The following TTC28 variants were observed in gnomAD, a reference collection of about 807,000 sequenced individuals.
The protein encoded by TTC28 is tetratricopeptide repeat domain 28.
Under a neutral mutation model 198.0 loss-of-function variants are expected in TTC28, and 61 were observed. The ratio of observed to expected loss-of-function variants is 0.31; its 90% confidence interval spans 0.25 to 0.38. The LOEUF is 0.38. Ranked by LOEUF, TTC28 falls within the 10% of genes least tolerant of loss-of-function variation. The probability of loss-of-function intolerance (pLI) is 1.00; values close to 1 mark genes in which losing one functional copy is unlikely to be tolerated. For synonymous variants in TTC28, 1,171 were observed against 1,297.8 expected, an observed-to-expected ratio of 0.90 and a Z score of 2.10; for missense variants, 2,678 against 3,164.0, an observed-to-expected ratio of 0.85 and a Z score of 3.69.
intron 2 of TTC28, among the ~76,000 whole-genome samples, chr22:28,334,088 G>A (rs1254995194): frequency 1.4e-5 from 2 of 146,776 alleles, no homozygotes; most frequent in African/African-American, 2.5e-5. Flanking sequence ...ACCTATGAGT[G>A]ACAACATAAG....
chr22:28,597,650 C>T (rs751638455), intron 2 of TTC28, among the ~76,000 whole-genome samples: 9 of 152,058 alleles, frequency 5.9e-5, no homozygotes, highest in Non-Finnish European at 8.8e-5. Context: ...TAGAGAAGCA[C>T]GGTTAGTGGC....
intron 12 of TTC28, among the ~76,000 whole-genome samples, chr22:28,089,806 C>G (rs1941755485): frequency 6.6e-6 from 1 of 151,196 alleles, no homozygotes; most frequent in African/African-American, 2.4e-5. Context: ...GAGTTCCTGT[C>G]CTTTGTAGGG....
intron 2 of TTC28, among the ~76,000 whole-genome samples, chr22:28,522,094 C>T (rs768605089): frequency 5.3e-5 from 8 of 152,154 alleles, no homozygotes. Context: ...AATAATATGA[C>T]AGACAACTAT....
intron 5 of TTC28, among the ~76,000 whole-genome samples, chr22:28,285,375 G>A (rs182062334): frequency 1.3e-5 from 2 of 152,310 alleles, no homozygotes; most frequent in Admixed American, 6.5e-5. Context: ...CATCGAAGCA[G>A]AGAGAGTAGA....
At chr22:28,341,999 T>G (rs2045839214) in intron 2 of TTC28, among the ~76,000 whole-genome samples, 2 of 151,910 alleles carry the variant, frequency 1.3e-5, no homozygotes, top group Admixed American at 1.3e-4. Flanking sequence ...AGAAAAAAAT[T>G]TAAAAAACAA....
At chr22:28,334,324 G>A (rs919665044) in intron 2 of TTC28, among the ~76,000 whole-genome samples, 2 of 152,122 alleles carry the variant, frequency 1.3e-5, no homozygotes, top group Non-Finnish European at 2.9e-5. Context: ...GTGTGCATGT[G>A]TCTTTATAGC....
intron 5 of TTC28, among the ~76,000 whole-genome samples, chr22:28,247,615 C>G (rs9625440): frequency 0.069 from 10,497 of 152,162 alleles, 537 homozygotes; most frequent in Non-Finnish European, 0.097. Context: ...GGATACCAAG[C>G]CCAGACTGGG....
At chr22:28,520,863 GC>G (rs1348102377) in intron 2 of TTC28, among the ~76,000 whole-genome samples, 4 of 151,902 alleles carry the variant, frequency 2.6e-5, no homozygotes, top group African/African-American at 9.7e-5. Flanking sequence ...GACCAGCCTG[GC>G]CAACATGGTA....
intron 5 of TTC28, among the ~76,000 whole-genome samples, chr22:28,197,101 A>C (rs1225293003): frequency 6.6e-6 from 1 of 152,078 alleles, no homozygotes; most frequent in Non-Finnish European, 1.5e-5. Context: ...ATAAAAAATA[A>C]TGAATTCATG....
intron 2 of TTC28, among the ~76,000 whole-genome samples, chr22:28,565,591 A>G (rs549928898): frequency 6.6e-6 from 1 of 152,346 alleles, no homozygotes; most frequent in Non-Finnish European, 1.5e-5. Flanking sequence ...TACTAATTTC[A>G]AATTTTGTTT....
At chr22:28,092,082 T>G (rs1251011691) in intron 12 of TTC28, among the ~76,000 whole-genome samples, 1 of 152,238 alleles carries the variant, frequency 6.6e-6, no homozygotes, top group South Asian at 2.1e-4. Context: ...TCAGGTCCCA[T>G]GCTTCTTGTC....
At chr22:28,296,115 A>G in intron 5 of TTC28, 83 bp downstream of exon 5, 1 of 1,377,764 alleles carries the variant, frequency 7.3e-7, no homozygotes, top group Non-Finnish European at 9.7e-7. Context: ...AGATACCTGA[A>G]ACAGTTTGTT....
chr22:28,669,160 GA>G (rs1402853666), intron 1 of TTC28, among the ~76,000 whole-genome samples: 1 of 124,564 alleles, frequency 8.0e-6, no homozygotes, highest in African/African-American at 3.1e-5. Context: ...GGTGGGGTAG[GA>G]GGAGGGGGGA....
At chr22:28,644,563 C>T (rs1168429364) in intron 1 of TTC28, among the ~76,000 whole-genome samples, 1 of 152,134 alleles carries the variant, frequency 6.6e-6, no homozygotes, top group East Asian at 1.9e-4. Context: ...GTGGCTCACG[C>T]CTATAATCCC....
intron 2 of TTC28, among the ~76,000 whole-genome samples, chr22:28,411,743 G>C (rs775900333): frequency 1.3e-5 from 2 of 152,120 alleles, no homozygotes; most frequent in Non-Finnish European, 2.9e-5. Context: ...TATATACCTA[G>C]CAGTGTATAA....
intron 2 of TTC28, among the ~76,000 whole-genome samples, chr22:28,626,686 A>G (rs1341624647): frequency 6.6e-6 from 1 of 152,076 alleles, no homozygotes; most frequent in Admixed American, 6.6e-5. Flanking sequence ...CTACCTCAAA[A>G]GAACCTTTTG....
At chr22:28,537,402 T>C (rs1429584880) in intron 2 of TTC28, among the ~76,000 whole-genome samples, 1 of 151,598 alleles carries the variant, frequency 6.6e-6, no homozygotes, top group East Asian at 1.9e-4. Context: ...CAAAGACATA[T>C]GAGAATTTAG....
intron 5 of TTC28, among the ~76,000 whole-genome samples, chr22:28,241,464 T>C (rs1305626495): frequency 6.6e-6 from 1 of 152,094 alleles, no homozygotes; most frequent in Non-Finnish European, 1.5e-5. Flanking sequence ...AATATTAATA[T>C]AAAATTTGAG....
At chr22:28,407,526 A>G (rs561200475) in intron 2 of TTC28, among the ~76,000 whole-genome samples, 1 of 152,150 alleles carries the variant, frequency 6.6e-6, no homozygotes, top group African/African-American at 2.4e-5. Context: ...TTTAGTGTTT[A>G]GATTACACAG....
Sources: gnomAD v4.1 joint callset for allele counts (sites outside exome capture counted in the v4.1 genomes callset) on GRCh38, gnomAD v4.1.1 for gene constraint, MANE v1.5 for transcripts, NCBI Gene and HGNC (gene_info 2026-07-23, HGNC 2026-07-21) for gene names.